The following OR10J1 variants were observed in gnomAD, a reference collection of about 807,000 sequenced individuals.
The protein encoded by OR10J1 is olfactory receptor family 10 subfamily J member 1.
For missense variants in OR10J1, 474 were observed against 376.6 expected, an observed-to-expected ratio of 1.26 and a Z score of -2.14; for synonymous variants, 202 against 143.8, an observed-to-expected ratio of 1.40 and a Z score of -2.89.
chr1:159,438,360 A>C (rs1655799871), upstream of OR10J1, among the ~76,000 whole-genome samples: 2 of 152,192 alleles, frequency 1.3e-5, no homozygotes, highest in African/African-American at 4.8e-5. Context: ...AATCACCACA[A>C]GTTTTGCAGG....
chr1:159,397,515 C>T, the OR10J1 span, among the ~76,000 whole-genome samples: 1 of 151,942 alleles, frequency 6.6e-6, no homozygotes, highest in Non-Finnish European at 1.5e-5. Flanking sequence ...CAGAGGGGAG[C>T]CCACTACCCT....
chr1:159,440,221 C>T lies in OR10J1; in HGVS notation c.430C>T (p.Leu144Phe). The T allele has an allele frequency of 1.2e-6, 2 of 1,614,148 alleles. No homozygotes were observed. Among genetic ancestry groups the T allele is most frequent in the Non-Finnish European group, 1.7e-6 (2 of 1,180,016 alleles). Residue 144 changes from leucine to phenylalanine, a missense_variant, in exon 1 of 1, where the codon CTT (leucine) becomes TTT (phenylalanine). By Grantham distance (22) the Leu-to-Phe change is conservative. Transcript: ENST00000423932. ...VIMNKRLRIQ[L>F]VLGACSIGLI... ...TATGAACAAGAGGCTGCGTATCCAA[C>T]TTGTCCTGGGGGCCTGCAGCATTGG... is the stretch of plus-strand genomic sequence containing the variant.
the OR10J1 span, among the ~76,000 whole-genome samples, chr1:159,413,814 A>T: frequency 2.0e-5 from 3 of 151,970 alleles, no homozygotes; most frequent in Non-Finnish European, 2.9e-5. Context: ...CATTGTGCAC[A>T]TGTACCCTAA....
chr1:159,419,178 G>C, the OR10J1 span, among the ~76,000 whole-genome samples: 1 of 152,168 alleles, frequency 6.6e-6, no homozygotes, highest in Non-Finnish European at 1.5e-5. Context: ...TTGTGGAGCT[G>C]TTGGGAAGGC....
chr1:159,440,733 G>A lies in OR10J1; in HGVS notation c.*12G>A, dbSNP rs1425033809. 6.2e-7 allele frequency: 1 copy of A among 1,600,774 alleles called. No individual in the cohort carries two copies. Among genetic ancestry groups the A allele is most frequent in the Non-Finnish European group, 8.5e-7 (1 of 1,171,312 alleles). Reference sequence around the variant, plus strand: ...GGAAGTTTTCCTGACCATGTAGGAAGAGTTCTCCTGAGGCTGTCAACATCC... The same window carrying A: ...GGAAGTTTTCCTGACCATGTAGGAAAAGTTCTCCTGAGGCTGTCAACATCC... On this transcript the variant is annotated 3_prime_UTR_variant, in exon 1 of 1. Coordinates refer to ENST00000423932, the MANE Select transcript of OR10J1 (RefSeq NM_012351.3).
upstream of OR10J1, among the ~76,000 whole-genome samples, chr1:159,436,959 C>T (rs1378413356): frequency 1.3e-5 from 2 of 152,192 alleles, no homozygotes. Context: ...TGGTGCAGCA[C>T]CTCATCCATT....
the OR10J1 span, among the ~76,000 whole-genome samples, chr1:159,398,797 AATT>A: frequency 6.6e-6 from 1 of 152,214 alleles, no homozygotes; most frequent in Non-Finnish European, 1.5e-5. Flanking sequence ...TATTTTAGAG[AATT>A]ATTATTGAGA....
the OR10J1 span, among the ~76,000 whole-genome samples, chr1:159,431,315 A>G: frequency 6.6e-6 from 1 of 152,132 alleles, no homozygotes; most frequent in Non-Finnish European, 1.5e-5. Context: ...TTCTACCTTG[A>G]CTTACCAAAT....
At chr1:159,416,817 T>C in the OR10J1 span, among the ~76,000 whole-genome samples, 3 of 152,104 alleles carry the variant, frequency 2.0e-5, no homozygotes, top group African/African-American at 7.2e-5. Flanking sequence ...TGGTAGGTGA[T>C]ATGAGTCTAG....
At chr1:159,405,921 A>G in the OR10J1 span, 1 of 521,590 alleles carries the variant, frequency 1.9e-6, no homozygotes, top group Non-Finnish European at 3.6e-6. Flanking sequence ...TGCCCAGGCC[A>G]ATCCTCAGTG....
chr1:159,410,548 C>A, the OR10J1 span, among the ~76,000 whole-genome samples: 82 of 151,956 alleles, frequency 5.4e-4, no homozygotes, highest in Middle Eastern at 3.4e-3. Context: ...GGTGATATCC[C>A]CTTGATCTTT....
chr1:159,431,065 G>A, the OR10J1 span, among the ~76,000 whole-genome samples: 1 of 152,130 alleles, frequency 6.6e-6, no homozygotes, highest in Admixed American at 6.5e-5. Flanking sequence ...TGTGTTTAGA[G>A]ACTAAAAAAT....
At chr1:159,415,569 A>G in the OR10J1 span, among the ~76,000 whole-genome samples, 11,451 of 152,074 alleles carry the variant, frequency 0.075, 601 homozygotes, top group South Asian at 0.25. Flanking sequence ...TTTTGGTTCC[A>G]TACAAATTTT....
At chr1:159,397,484 A>G in the OR10J1 span, among the ~76,000 whole-genome samples, 1 of 152,092 alleles carries the variant, frequency 6.6e-6, no homozygotes, top group Admixed American at 6.5e-5. Context: ...TTTGGATGGC[A>G]TTTCTGGACC....
rs752700434 is a variant in OR10J1, at chr1:159,439,797, A to G, written c.6A>G (p.Lys2=). The G allele has an allele frequency of 6.2e-7, 1 of 1,614,098 alleles. No individual in the cohort carries two copies. The highest frequency in any genetic ancestry group is 2.2e-5 in the East Asian group (1 of 44,886). ...TCAGATTTGGGAACCAATCCATGAA[A>G]AGAGAGAACTTTACTCTCATCACTG... The part of the protein sequence containing the change: M[K]RENFTLITDF... Residue 2 remains lysine, a synonymous_variant, in exon 1 of 1, where the codon AAA becomes AAG. Coordinates refer to ENST00000423932, the MANE Select transcript of OR10J1 (RefSeq NM_012351.3).
upstream of OR10J1, chr1:159,438,144 C>T (rs1367608429): frequency 1.3e-5 from 2 of 152,132 alleles, no homozygotes; most frequent in Non-Finnish European, 2.9e-5. Context: ...CTGGACAGGT[C>T]TTCATAAGCT....
chr1:159,402,318 T>TA, the OR10J1 span, among the ~76,000 whole-genome samples: 88 of 152,180 alleles, frequency 5.8e-4, no homozygotes, highest in African/African-American at 2.1e-3. Flanking sequence ...AAAGCCAAAG[T>TA]ATCCCTCTTT....
chr1:159,440,830 G>A lies in OR10J1; in HGVS notation c.*109G>A, dbSNP rs574451952. The A allele has an allele frequency of 2.5e-6, 3 of 1,186,946 alleles. No homozygotes were observed. Among genetic ancestry groups the A allele is most frequent in the South Asian group, 1.6e-5 (1 of 62,288 alleles). 73.5% of individuals were successfully genotyped at this position (1,186,946 alleles called of 1,614,324 possible). On this transcript the variant is annotated 3_prime_UTR_variant, in exon 1 of 1. Transcript: ENST00000423932. ...TAGAGACCTGCCCCTTAAATAAGAGGCAAAAGAGGAATAGCAGTTTCATAC... is the reference window on the plus strand; with the variant it reads ...TAGAGACCTGCCCCTTAAATAAGAGACAAAAGAGGAATAGCAGTTTCATAC...
chr1:159,430,677 G>GCA, the OR10J1 span, among the ~76,000 whole-genome samples: 3 of 151,532 alleles, frequency 2.0e-5, no homozygotes, highest in Admixed American at 6.6e-5. Flanking sequence ...GTGCGCGCGC[G>GCA]CACATGTTTG....
Sources: gnomAD v4.1 joint callset for allele counts (sites outside exome capture counted in the v4.1 genomes callset) on GRCh38, gnomAD v4.1.1 for gene constraint, MANE v1.5 for transcripts, NCBI Gene and HGNC (gene_info 2026-07-23, HGNC 2026-07-21) for gene names.